Variants in ZMAT4 observed in about 807,000 individuals in gnomAD.
ZMAT4 encodes the protein zinc finger matrin-type 4.
ZMAT4 carries 17 observed loss-of-function variants against 28.7 expected under a neutral mutation model. The observed-to-expected ratio is 0.59, with a 90% CI of 0.41 to 0.89. The LOEUF (loss-of-function observed/expected upper bound fraction) is 0.89. Among genes scored for constraint, ZMAT4 ranks in the 40% least tolerant of loss-of-function variants. The pLI, the probability that ZMAT4 is intolerant of heterozygous loss-of-function variation, is 0.00. For missense variants in ZMAT4, 240 were observed against 283.8 expected (o/e 0.85, Z 1.11); for synonymous variants, 117 against 109.2 (o/e 1.07, Z -0.44).
At chr8:40,608,090 G>A (rs776660376) in intron 5 of ZMAT4, among the ~76,000 whole-genome samples, 3 of 152,138 alleles carry the variant, frequency 2.0e-5, no homozygotes, top group Non-Finnish European at 4.4e-5. Context: ...AGGGTTGTCT[G>A]GGTAAGTATT....
chr8:40,786,710 C>T (rs747026985), intron 2 of ZMAT4: 2 of 1,289,252 alleles, frequency 1.6e-6, no homozygotes, highest in South Asian at 1.2e-5. Context: ...CACACAGCCA[C>T]CTTCTTCAGT....
chr8:40,795,276 G>T (rs115293104), intron 2 of ZMAT4, among the ~76,000 whole-genome samples: 3 of 152,064 alleles, frequency 2.0e-5, no homozygotes, highest in Non-Finnish European at 4.4e-5. Flanking sequence ...GCACACTCAC[G>T]TGAAACACCC....
chr8:40,797,575 G>C (rs1169327617), intron 2 of ZMAT4, among the ~76,000 whole-genome samples: 3 of 152,124 alleles, frequency 2.0e-5, no homozygotes, highest in Non-Finnish European at 4.4e-5. Context: ...AAAATAACAG[G>C]GCCCAGATAT....
intron 2 of ZMAT4, among the ~76,000 whole-genome samples, chr8:40,786,320 T>C (rs928462928): frequency 3.3e-5 from 5 of 152,170 alleles, no homozygotes; most frequent in African/African-American, 1.2e-4. Context: ...TTAATATTCG[T>C]AGGCTTTTTT....
chr8:40,828,071 G>T (rs952996594), intron 1 of ZMAT4, among the ~76,000 whole-genome samples: 1 of 152,148 alleles, frequency 6.6e-6, no homozygotes, highest in Non-Finnish European at 1.5e-5. Flanking sequence ...ACCAAGAACA[G>T]AATGCGGGCA....
chr8:40,705,390 C>T (rs1810309080), intron 3 of ZMAT4, among the ~76,000 whole-genome samples: 1 of 152,084 alleles, frequency 6.6e-6, no homozygotes, highest in Non-Finnish European at 1.5e-5. Context: ...GATCACAGCA[C>T]TTATTTCACA....
intron 5 of ZMAT4, among the ~76,000 whole-genome samples, chr8:40,601,035 G>A (rs1406593598): frequency 6.6e-6 from 1 of 152,128 alleles, no homozygotes; most frequent in African/African-American, 2.4e-5. Context: ...ACTTGAAAAT[G>A]AGACTCACTT....
chr8:40,835,915 T>C (rs1689880669), intron 1 of ZMAT4, among the ~76,000 whole-genome samples: 1 of 152,292 alleles, frequency 6.6e-6, no homozygotes, highest in African/African-American at 2.4e-5. Flanking sequence ...CTCCTGACCT[T>C]CCTAAACTCA....
At position 40,877,852 on chromosome 8, in the gene ZMAT4, G is replaced by A. The variant is rs112123683; in HGVS notation, c.-5+19831C>T. Among the ~76,000 whole-genome samples, 467 of 152,266 alleles carry A rather than the reference G, an allele frequency of 3.1e-3. 3 individuals carry two copies. Among genetic ancestry groups the A allele is most frequent in the African/African-American group, 0.011 (444 of 41,546 alleles). ...TGGAACTATTTATAGAGCTGGCCAC[G>A]GTCATGTCAGATCTTTAAAAGAAGC... On this transcript the variant is annotated intron_variant, in intron 1 of 6. Transcript: ENST00000297737.
At chr8:40,604,486 T>A (rs561763088) in intron 5 of ZMAT4, among the ~76,000 whole-genome samples, 1 of 152,312 alleles carries the variant, frequency 6.6e-6, no homozygotes, top group South Asian at 2.1e-4. Context: ...ATCATATGAT[T>A]TTTGTTTTTA....
chr8:40,728,690 A>G (rs143763625), intron 3 of ZMAT4, among the ~76,000 whole-genome samples: 1 of 152,340 alleles, frequency 6.6e-6, no homozygotes, highest in African/African-American at 2.4e-5. Context: ...GGTTTCATTA[A>G]AATGTAATTT....
At chr8:40,535,577 G>C (rs564578103) in intron 6 of ZMAT4, among the ~76,000 whole-genome samples, 1 of 152,048 alleles carries the variant, frequency 6.6e-6, no homozygotes, top group South Asian at 2.1e-4. Flanking sequence ...GCTGAGGCAG[G>C]AGAATTGCTT....
At chr8:40,695,027 T>C (rs1214708838) in intron 4 of ZMAT4, among the ~76,000 whole-genome samples, 1 of 152,166 alleles carries the variant, frequency 6.6e-6, no homozygotes, top group Non-Finnish European at 1.5e-5. Context: ...CTTTGCTAGG[T>C]GTCCCCACTC....
chr8:40,670,447 A>G (rs1434147548), intron 5 of ZMAT4, among the ~76,000 whole-genome samples: 2 of 152,238 alleles, frequency 1.3e-5, no homozygotes, highest in Non-Finnish European at 2.9e-5. Context: ...AGAAGAAAAC[A>G]TACAAGAATA....
intron 2 of ZMAT4, among the ~76,000 whole-genome samples, chr8:40,771,401 T>G (rs976801390): frequency 2.0e-5 from 3 of 151,928 alleles, no homozygotes; most frequent in Non-Finnish European, 4.4e-5. Context: ...TTTTTTATTT[T>G]TATAACAAAT....
intron 5 of ZMAT4, among the ~76,000 whole-genome samples, chr8:40,622,252 A>G (rs1463590363): frequency 6.6e-6 from 1 of 152,246 alleles, no homozygotes; most frequent in Non-Finnish European, 1.5e-5. Flanking sequence ...TTTATACTTT[A>G]CTTGTATCTG....
intron 5 of ZMAT4, among the ~76,000 whole-genome samples, chr8:40,601,563 GAAGAAAGAAAGAAAGAAAGAAAGAAAGA>G (rs1339134333): frequency 1.7e-5 from 2 of 118,478 alleles, no homozygotes; most frequent in African/African-American, 6.6e-5. Flanking sequence ...AAGAAAGAAA[GAAGAAAGAAAGAAAGAAAGAAAGAAAGA>G]AAGAAAGAAA....
intron 3 of ZMAT4, among the ~76,000 whole-genome samples, chr8:40,755,251 G>A (rs1812631280): frequency 6.6e-6 from 1 of 152,094 alleles, no homozygotes; most frequent in Admixed American, 6.5e-5. Flanking sequence ...GAGAAGAAAG[G>A]CACCTTTAGA....
intron 5 of ZMAT4, among the ~76,000 whole-genome samples, chr8:40,617,477 G>A (rs1490177456): frequency 6.6e-6 from 1 of 152,164 alleles, no homozygotes; most frequent in Non-Finnish European, 1.5e-5. Context: ...AGTAGCAGAG[G>A]CAGCTTCTAA....
Sources: gnomAD v4.1 joint callset for allele counts (sites outside exome capture counted in the v4.1 genomes callset) on GRCh38, gnomAD v4.1.1 for gene constraint, MANE v1.5 for transcripts, NCBI Gene and HGNC (gene_info 2026-07-23, HGNC 2026-07-21) for gene names.